MBNL2: variants seen among roughly 807,000 people sequenced by gnomAD.
MBNL2 encodes muscleblind like splicing regulator 2.
MBNL2 carries 17 observed loss-of-function variants against 41.9 expected under a neutral mutation model. The observed-to-expected ratio is 0.41, with a 90% confidence interval of 0.28 to 0.61. The LOEUF (loss-of-function observed/expected upper bound fraction) is 0.61. Among genes scored for constraint, MBNL2 ranks in the 20% least tolerant of loss-of-function variants. The pLI, the probability that MBNL2 is intolerant of heterozygous loss-of-function variation, is 0.35. For synonymous variants in MBNL2, 195 were observed against 182.9 expected (o/e 1.07, Z -0.53); for missense variants, 336 against 505.6 (o/e 0.66, Z 3.22).
chr13:97,197,599 C>G, the MBNL2 span, among the ~76,000 whole-genome samples: 1 of 152,000 alleles, frequency 6.6e-6, no homozygotes, highest in Admixed American at 6.6e-5. Context: ...ATTTTTGGTG[C>G]TTTCTTTCTC....
rs771660687 is a variant in MBNL2, at chr13:97,366,693, A to T, written c.1048+1522A>T. On this transcript the variant is annotated intron_variant, in intron 8 of 8. Transcript: ENST00000679496. This position sits in a 1 kb window ranked among gnomAD's most constrained non-coding sequence, Gnocchi z 4.7. ...TTTTTTTAATTAGTTTATAGCAAGCATTTACAGACAGGTTGCACTTATTTA... is the reference window on the plus strand; with the variant it reads ...TTTTTTTAATTAGTTTATAGCAAGCTTTTACAGACAGGTTGCACTTATTTA... 8 of 704,460 alleles carry T rather than the reference A, an allele frequency of 1.1e-5. No individual in the cohort carries two copies. The Admixed American group carries it at 1.5e-4, about 13-fold the overall frequency. The allele number at this position is 704,460 out of a possible 1,614,324, so 43.6% of individuals were successfully genotyped here.
intron 2 of MBNL2, among the ~76,000 whole-genome samples, chr13:97,278,921 G>A (rs1481451884): frequency 6.6e-6 from 1 of 152,078 alleles, no homozygotes; most frequent in Non-Finnish European, 1.5e-5. Flanking sequence ...CCCAGCCTTG[G>A]GTGTGTCATT....
the MBNL2 span, among the ~76,000 whole-genome samples, chr13:97,168,788 C>G: frequency 2.6e-5 from 4 of 152,112 alleles, no homozygotes; most frequent in African/African-American, 9.7e-5. Flanking sequence ...CAAGGACTGC[C>G]AAGTCATGTT....
At chr13:97,172,137 G>A in the MBNL2 span, among the ~76,000 whole-genome samples, 1 of 152,100 alleles carries the variant, frequency 6.6e-6, no homozygotes, top group South Asian at 2.1e-4. Context: ...GCTTGTTTTT[G>A]TGGTATCCAC....
At chr13:97,175,403 A>G in the MBNL2 span, among the ~76,000 whole-genome samples, 1 of 152,268 alleles carries the variant, frequency 6.6e-6, no homozygotes, top group African/African-American at 2.4e-5. Context: ...AGTGATCCTA[A>G]CAGTGATCCA....
intron 2 of MBNL2, among the ~76,000 whole-genome samples, chr13:97,326,230 T>C (rs900617172): frequency 2.0e-5 from 3 of 152,216 alleles, no homozygotes; most frequent in Non-Finnish European, 4.4e-5. Flanking sequence ...CCTAAACCCG[T>C]AGCAATTGGT....
rs1381560489 is a variant in MBNL2 at position 97,346,732 on chromosome 13, C to T, written c.541-72C>T. On this transcript the variant is annotated intron_variant, in intron 4 of 8. Transcript: ENST00000679496. This position sits in a 1 kb window ranked among gnomAD's most constrained non-coding sequence, Gnocchi z 4.2. ...AGCGAGGCAGCCTCCGCTCCTCCCG[C>T]GGTGGCCGGGGCCGCAGGGGCGCCT... 5 of 1,345,994 alleles carry T rather than the reference C, an allele frequency of 3.7e-6. No homozygotes were observed. Among genetic ancestry groups the T allele is most frequent in the East Asian group, 4.6e-5 (2 of 43,060 alleles). The allele number at this position is 1,345,994 out of a possible 1,614,324, so 83.4% of individuals were successfully genotyped here. A position where few individuals can be genotyped will look rare whatever the true frequency, so the allele number is the denominator to read the frequency against.
chr13:97,312,328 T>C (rs1378659661), intron 2 of MBNL2, among the ~76,000 whole-genome samples: 2 of 152,232 alleles, frequency 1.3e-5, no homozygotes, highest in East Asian at 1.9e-4. Flanking sequence ...CAGAGAAGTT[T>C]CTCTTCTACT....
chr13:97,304,435 C>CT (rs1295810751), intron 2 of MBNL2, among the ~76,000 whole-genome samples: 2 of 152,086 alleles, frequency 1.3e-5, no homozygotes, highest in Admixed American at 6.6e-5. Flanking sequence ...CATTTATTTG[C>CT]TTTTTTATTT....
intron 5 of MBNL2, 48 bp downstream of exon 5, chr13:97,347,115 G>T (rs987144161): frequency 1.4e-6 from 2 of 1,404,374 alleles, no homozygotes; most frequent in South Asian, 3.0e-5. Context: ...CTCTGCGGAG[G>T]CCGCTCCGGG....
At chr13:97,194,988 G>C in the MBNL2 span, among the ~76,000 whole-genome samples, 1 of 152,090 alleles carries the variant, frequency 6.6e-6, no homozygotes, top group African/African-American at 2.4e-5. Flanking sequence ...CAGCCCTCAG[G>C]TTTGCTCTGC....
intron 8 of MBNL2, among the ~76,000 whole-genome samples, chr13:97,381,194 T>C (rs916795562): frequency 1.3e-5 from 2 of 152,064 alleles, no homozygotes; most frequent in African/African-American, 4.8e-5. Context: ...CTGGAAAATT[T>C]GTTATATGGC....
At chr13:97,302,331 G>A (rs921696942) in intron 2 of MBNL2, among the ~76,000 whole-genome samples, 7 of 152,134 alleles carry the variant, frequency 4.6e-5, no homozygotes, top group South Asian at 2.1e-4. Flanking sequence ...TTTACAGAGC[G>A]TTACCTCTGT....
chr13:97,333,997 AG>A (rs2060652254), intron 2 of MBNL2, among the ~76,000 whole-genome samples: 2 of 127,056 alleles, frequency 1.6e-5, no homozygotes, highest in East Asian at 4.6e-4. Flanking sequence ...GGAAAGAAAG[AG>A]AAAGAGAGAA....
chr13:97,165,610 A>G, the MBNL2 span, among the ~76,000 whole-genome samples: 1 of 152,236 alleles, frequency 6.6e-6, no homozygotes, highest in Non-Finnish European at 1.5e-5. Flanking sequence ...AAATGTTTTA[A>G]TAATGCAAAT....
At chr13:97,171,463 G>A in the MBNL2 span, among the ~76,000 whole-genome samples, 1 of 152,018 alleles carries the variant, frequency 6.6e-6, no homozygotes, top group Non-Finnish European at 1.5e-5. Flanking sequence ...CATTAGAGCT[G>A]TAAAAAAATT....
rs2066398657 is a variant in MBNL2 at position 97,391,895 on chromosome 13, C to A, written c.*446C>A. The A allele has an allele frequency of 6.3e-6, 1 of 158,514 alleles. No individual in the cohort carries two copies. The highest frequency in any genetic ancestry group is 1.9e-4 in the South Asian group (1 of 5,280). The allele number at this position is 158,514 out of a possible 1,614,324, so 9.8% of individuals were successfully genotyped here. ...GATGAGAGGTGAAGTAAAACCGATA[C>A]CTGTCCTGCAGGTCTAAAATTTGAA... On this transcript the variant is annotated 3_prime_UTR_variant, in exon 9 of 9. Transcript: ENST00000679496.
chr13:97,222,134 T>C (rs1009356937), upstream of MBNL2, among the ~76,000 whole-genome samples: 2 of 152,204 alleles, frequency 1.3e-5, no homozygotes, highest in Non-Finnish European at 2.9e-5. Context: ...TATGATTGCT[T>C]TCTTCTGAGA....
At position 97,224,982 on chromosome 13, in the gene MBNL2, T is replaced by C. The variant is rs573786841; in HGVS notation, c.-605+2451T>C. ...GCTGTTTTTCCTTTGACTTTTGTGT[T>C]AAATTTGTGAAAGTGGAGTAAATAA... On this transcript the variant is annotated intron_variant, in intron 1 of 8. Transcript: ENST00000679496. 7.9e-5 allele frequency among the ~76,000 whole-genome samples: 12 copies of C among 152,358 alleles called. No individual in the cohort carries two copies. The South Asian group carries it at 2.5e-3, about 32-fold the overall frequency.
Sources: allele counts gnomAD v4.1 joint callset (sites outside exome capture counted in the v4.1 genomes callset), GRCh38; gene constraint gnomAD v4.1.1; non-coding constraint Gnocchi (gnomAD v3.1); transcripts MANE v1.5; gene names NCBI Gene and HGNC (gene_info 2026-07-23, HGNC 2026-07-21).